LSAMP: variants seen among roughly 807,000 people sequenced by gnomAD.
The protein encoded by LSAMP is limbic system-associated membrane protein.
Under a neutral mutation model 38.6 loss-of-function variants are expected in LSAMP, and 7 were observed. The observed-to-expected ratio is 0.18, with a 90% CI of 0.10 to 0.34. LSAMP has a LOEUF of 0.34. LSAMP is among the 10% of genes least tolerant of loss of function. The pLI is 1.00. For missense variants in LSAMP, 313 were observed against 420.0 expected, an observed-to-expected ratio of 0.75 and a Z score of 2.23; for synonymous variants, 154 against 166.8, an observed-to-expected ratio of 0.92 and a Z score of 0.59.
intron 3 of LSAMP, among the ~76,000 whole-genome samples, chr3:115,965,760 A>T (rs988540523): frequency 6.6e-6 from 1 of 152,066 alleles, no homozygotes; most frequent in African/African-American, 2.4e-5. Flanking sequence ...AATTATGAAA[A>T]GATGAAACTT....
At chr3:116,328,735 G>A (rs1219051944) in intron 1 of LSAMP, among the ~76,000 whole-genome samples, 1 of 151,942 alleles carries the variant, frequency 6.6e-6, no homozygotes, top group Non-Finnish European at 1.5e-5. Context: ...AGAGAGAGAG[G>A]ATGCTGTTAT....
intron 2 of LSAMP, among the ~76,000 whole-genome samples, chr3:116,068,886 G>A (rs1000755006): frequency 6.6e-6 from 1 of 152,184 alleles, no homozygotes; most frequent in East Asian, 1.9e-4. Context: ...TAATGAAACA[G>A]CTATGTTATA....
chr3:116,239,444 C>T (rs1236941022), intron 1 of LSAMP, among the ~76,000 whole-genome samples: 1 of 152,116 alleles, frequency 6.6e-6, no homozygotes, highest in Admixed American at 6.5e-5. Flanking sequence ...ATAAAAAGAT[C>T]TGTTGAAATC....
chr3:116,095,591 A>G (rs947518619), intron 1 of LSAMP, among the ~76,000 whole-genome samples: 1 of 152,218 alleles, frequency 6.6e-6, no homozygotes, highest in Non-Finnish European at 1.5e-5. Flanking sequence ...TGCCATCTCT[A>G]CATTCACATA....
intron 1 of LSAMP, among the ~76,000 whole-genome samples, chr3:116,332,135 C>T (rs1051029808): frequency 5.3e-5 from 8 of 151,944 alleles, no homozygotes; most frequent in East Asian, 1.9e-4. Context: ...CCACCACACC[C>T]GGCCTTCACT....
At chr3:115,888,509 T>C (rs1559868078) in intron 3 of LSAMP, among the ~76,000 whole-genome samples, 1 of 151,898 alleles carries the variant, frequency 6.6e-6, no homozygotes, top group East Asian at 1.9e-4. Flanking sequence ...TGTCCAGAGT[T>C]CCAAGCATCT....
At chr3:116,230,151 A>G (rs1168068875) in intron 1 of LSAMP, among the ~76,000 whole-genome samples, 1 of 152,144 alleles carries the variant, frequency 6.6e-6, no homozygotes, top group Non-Finnish European at 1.5e-5. Flanking sequence ...GCCAAAGAAT[A>G]CACACAAGTT....
chr3:116,243,343 A>G (rs1245694982), intron 1 of LSAMP, among the ~76,000 whole-genome samples: 1 of 152,216 alleles, frequency 6.6e-6, no homozygotes, highest in East Asian at 1.9e-4. Context: ...AACCAAAGAC[A>G]TGAAAGTCAA....
At chr3:116,204,140 T>C (rs992326766) in intron 1 of LSAMP, among the ~76,000 whole-genome samples, 1 of 152,160 alleles carries the variant, frequency 6.6e-6, no homozygotes, top group Non-Finnish European at 1.5e-5. Flanking sequence ...TTTGCATTTC[T>C]CTGATAGCCA....
chr3:115,861,186 CTT>C (rs1559855569), intron 3 of LSAMP, among the ~76,000 whole-genome samples: 6 of 128,112 alleles, frequency 4.7e-5, no homozygotes, highest in Admixed American at 9.0e-5. Context: ...TCCTTCCTTC[CTT>C]CCTTCCTTCC....
At chr3:115,820,948 G>C (rs570953259) in intron 6 of LSAMP, among the ~76,000 whole-genome samples, 1 of 152,276 alleles carries the variant, frequency 6.6e-6, no homozygotes, top group Admixed American at 6.5e-5. Flanking sequence ...CTGGCAGGTA[G>C]AACATTTTCT....
At chr3:116,367,013 C>T (rs2048363989) in intron 1 of LSAMP, among the ~76,000 whole-genome samples, 1 of 152,138 alleles carries the variant, frequency 6.6e-6, no homozygotes. Context: ...GTAACAATTA[C>T]TTGTATTATT....
At chr3:116,035,952 G>T (rs1941035995) in intron 2 of LSAMP, among the ~76,000 whole-genome samples, 1 of 152,172 alleles carries the variant, frequency 6.6e-6, no homozygotes, top group Admixed American at 6.5e-5. Flanking sequence ...CAATATGGAG[G>T]CCTAGCCCTT....
At chr3:115,820,708 C>G (rs992758557) in intron 6 of LSAMP, among the ~76,000 whole-genome samples, 2 of 152,114 alleles carry the variant, frequency 1.3e-5, no homozygotes, top group Non-Finnish European at 2.9e-5. Flanking sequence ...AAGAATGGTC[C>G]AGTAGATATG....
intron 1 of LSAMP, among the ~76,000 whole-genome samples, chr3:116,203,210 C>A (rs1325787871): frequency 6.6e-6 from 1 of 152,096 alleles, no homozygotes; most frequent in East Asian, 1.9e-4. Context: ...ATACGCAAGG[C>A]AATATTTAAT....
chr3:116,048,819 A>G (rs190199676), intron 2 of LSAMP, among the ~76,000 whole-genome samples: 4 of 152,298 alleles, frequency 2.6e-5, no homozygotes, highest in Admixed American at 2.6e-4. Flanking sequence ...GAATCAAACC[A>G]GTGTTCCGGT....
At chr3:116,171,549 A>C (rs1710199548) in intron 1 of LSAMP, among the ~76,000 whole-genome samples, 1 of 152,108 alleles carries the variant, frequency 6.6e-6, no homozygotes, top group Admixed American at 6.6e-5. Context: ...TAAATCTGAT[A>C]ATCTGAACCA....
chr3:116,343,113 A>G (rs1212991921), intron 1 of LSAMP, among the ~76,000 whole-genome samples: 1 of 152,120 alleles, frequency 6.6e-6, no homozygotes, highest in Non-Finnish European at 1.5e-5. Flanking sequence ...AACAATAACA[A>G]CAAAAAACTG....
intron 3 of LSAMP, among the ~76,000 whole-genome samples, chr3:115,971,949 C>A (rs1422758154): frequency 1.3e-5 from 2 of 152,018 alleles, no homozygotes; most frequent in Non-Finnish European, 1.5e-5. Flanking sequence ...GGCACATTTT[C>A]CACATTTTTT....
Sources: gnomAD v4.1 joint callset for allele counts (sites outside exome capture counted in the v4.1 genomes callset) on GRCh38, gnomAD v4.1.1 for gene constraint, MANE v1.5 for transcripts, NCBI Gene and HGNC (gene_info 2026-07-23, HGNC 2026-07-21) for gene names.